QTMAN: variants seen among roughly 807,000 people sequenced by gnomAD.
The protein encoded by QTMAN is queuosine-tRNA mannosyltransferase, also known as tRNA-queuosine alpha-mannosyltransferase.
At chr2:144,151,285 T>C in the QTMAN span, among the ~76,000 whole-genome samples, 1 of 152,188 alleles carries the variant, frequency 6.6e-6, no homozygotes, top group Non-Finnish European at 1.5e-5. Flanking sequence ...CTTCATGATA[T>C]GGTAAGTCAT....
At chr2:144,177,932 T>C in the QTMAN span, among the ~76,000 whole-genome samples, 1 of 152,194 alleles carries the variant, frequency 6.6e-6, no homozygotes, top group African/African-American at 2.4e-5. Context: ...ATTTAGGATA[T>C]ATTTTACAAT....
the QTMAN span, among the ~76,000 whole-genome samples, chr2:144,062,901 T>C: frequency 6.6e-6 from 1 of 152,124 alleles, no homozygotes; most frequent in Non-Finnish European, 1.5e-5. Flanking sequence ...CAGGACTACC[T>C]GACCAGAACC....
chr2:144,191,490 T>C, the QTMAN span, among the ~76,000 whole-genome samples: 2 of 152,206 alleles, frequency 1.3e-5, no homozygotes, highest in Admixed American at 6.5e-5. Flanking sequence ...TCGCCTATCA[T>C]TGTTTTCCTA....
At chr2:144,326,543 C>T in the QTMAN span, among the ~76,000 whole-genome samples, 5 of 147,768 alleles carry the variant, frequency 3.4e-5, no homozygotes, top group African/African-American at 1.0e-4. Flanking sequence ...GCCGAGATTG[C>T]GCCACTGCAC....
chr2:144,099,698 T>C, the QTMAN span, among the ~76,000 whole-genome samples: 3 of 152,302 alleles, frequency 2.0e-5, no homozygotes, highest in Non-Finnish European at 4.4e-5. Context: ...CTCACCAAAA[T>C]GGTCTAGCTC....
chr2:143,957,994 A>G, the QTMAN span, among the ~76,000 whole-genome samples: 2 of 152,166 alleles, frequency 1.3e-5, no homozygotes, highest in African/African-American at 4.8e-5. Context: ...AGCCCTTTGA[A>G]TGAAAATAAA....
the QTMAN span, among the ~76,000 whole-genome samples, chr2:144,297,368 C>A: frequency 1.3e-5 from 2 of 152,114 alleles, no homozygotes; most frequent in East Asian, 3.9e-4. Flanking sequence ...TCTTTCTGGT[C>A]TATTACACTT....
the QTMAN span, among the ~76,000 whole-genome samples, chr2:144,182,840 T>TTA: frequency 7.7e-5 from 5 of 64,524 alleles, no homozygotes; most frequent in East Asian, 4.8e-4. Context: ...TATATATATA[T>TTA]TATATATATA....
chr2:144,161,659 A>G, the QTMAN span, among the ~76,000 whole-genome samples: 2 of 152,202 alleles, frequency 1.3e-5, no homozygotes, highest in Admixed American at 1.3e-4. Flanking sequence ...TCCAGTCCAA[A>G]TGGAGAGTAA....
At chr2:143,979,254 T>C in the QTMAN span, among the ~76,000 whole-genome samples, 3 of 151,754 alleles carry the variant, frequency 2.0e-5, no homozygotes, top group Non-Finnish European at 4.4e-5. Context: ...ATAGAATTTA[T>C]ACAATGTGAT....
the QTMAN span, among the ~76,000 whole-genome samples, chr2:144,316,783 C>G: frequency 6.6e-6 from 1 of 152,188 alleles, no homozygotes; most frequent in Non-Finnish European, 1.5e-5. Context: ...TACATGTATG[C>G]TGGCCTTTCA....
At chr2:144,260,010 G>T in the QTMAN span, among the ~76,000 whole-genome samples, 1 of 152,162 alleles carries the variant, frequency 6.6e-6, no homozygotes, top group Admixed American at 6.5e-5. Context: ...AAAATTTGGA[G>T]GTGGGAGAAA....
chr2:144,229,097 G>A, the QTMAN span, among the ~76,000 whole-genome samples: 12 of 152,154 alleles, frequency 7.9e-5, no homozygotes, highest in African/African-American at 2.9e-4. Context: ...CAAATACTTT[G>A]TGTCTAATTT....
At chr2:144,257,947 G>A in the QTMAN span, among the ~76,000 whole-genome samples, 1 of 152,042 alleles carries the variant, frequency 6.6e-6, no homozygotes, top group Admixed American at 6.6e-5. Flanking sequence ...AAGTAAAGGG[G>A]TTCAAAGAAA....
chr2:143,988,594 T>C, the QTMAN span, among the ~76,000 whole-genome samples: 1 of 152,222 alleles, frequency 6.6e-6, no homozygotes, highest in Non-Finnish European at 1.5e-5. Context: ...CTCTACGAGG[T>C]AGATATCATT....
chr2:144,040,008 T>TA, the QTMAN span, among the ~76,000 whole-genome samples: 14 of 152,168 alleles, frequency 9.2e-5, no homozygotes, highest in Admixed American at 2.0e-4. Flanking sequence ...GTCAGAGTAA[T>TA]AAAAACAGGG....
the QTMAN span, among the ~76,000 whole-genome samples, chr2:144,175,449 T>C: frequency 6.6e-6 from 1 of 151,706 alleles, no homozygotes; most frequent in Non-Finnish European, 1.5e-5. Context: ...AACAGTAGAG[T>C]TCCATAACAG....
chr2:144,330,768 TAAGTG>T, the QTMAN span, among the ~76,000 whole-genome samples: 2 of 152,212 alleles, frequency 1.3e-5, no homozygotes, highest in Admixed American at 6.5e-5. Context: ...ATTACCTAGT[TAAGTG>T]TTTAGTTAAT....
chr2:144,133,151 A>T, the QTMAN span, among the ~76,000 whole-genome samples: 2 of 51,394 alleles, frequency 3.9e-5, no homozygotes, highest in East Asian at 7.0e-4. Flanking sequence ...ATATATATAT[A>T]ATATAATATA....
Sources: allele counts gnomAD v4.1 joint callset (sites outside exome capture counted in the v4.1 genomes callset), GRCh38; gene constraint gnomAD v4.1.1; transcripts MANE v1.5; gene names NCBI Gene and HGNC (gene_info 2026-07-23, HGNC 2026-07-21).